The following LCORL variants were observed in gnomAD, a reference collection of about 807,000 sequenced individuals.
LCORL encodes the protein ligand-dependent nuclear receptor corepressor-like protein.
Under a neutral mutation model 141.8 loss-of-function variants are expected in LCORL, and 41 were observed. The observed-to-expected ratio is 0.29, with a 90% CI of 0.23 to 0.38. The LOEUF (loss-of-function observed/expected upper bound fraction) is 0.38. LCORL is among the 10% of genes least tolerant of loss of function. The pLI is 1.00. For missense variants in LCORL, 1,759 were observed against 2,035.0 expected, an observed-to-expected ratio of 0.86 and a Z score of 2.61; for synonymous variants, 618 against 694.1, an observed-to-expected ratio of 0.89 and a Z score of 1.72.
chr4:17,905,815 G>GA (rs900256222), intron 5 of LCORL, among the ~76,000 whole-genome samples: 2 of 151,882 alleles, frequency 1.3e-5, no homozygotes, highest in African/African-American at 4.8e-5. Context: ...AGAATAATAT[G>GA]AAAAATGTAA....
chr4:17,879,816 T>A (rs953565435), intron 6 of LCORL, among the ~76,000 whole-genome samples: 1 of 151,048 alleles, frequency 6.6e-6, no homozygotes, highest in Admixed American at 6.6e-5. Flanking sequence ...AAAGAGAGAA[T>A]TTACATGTTT....
At chr4:17,943,696 A>T (rs1738348908) in intron 4 of LCORL, among the ~76,000 whole-genome samples, 2 of 152,218 alleles carry the variant, frequency 1.3e-5, no homozygotes, top group Non-Finnish European at 2.9e-5. Context: ...TATTCTACAG[A>T]TTTGATGGTC....
At chr4:17,930,009 T>G (rs1381699502) in intron 4 of LCORL, among the ~76,000 whole-genome samples, 1 of 152,154 alleles carries the variant, frequency 6.6e-6, no homozygotes, top group Admixed American at 6.5e-5. Flanking sequence ...ACAAGATGCT[T>G]AGCATGATTA....
chr4:17,908,992 T>C, intron 5 of LCORL, 102 bp downstream of exon 5: 1 of 1,084,558 alleles, frequency 9.2e-7, no homozygotes, highest in Non-Finnish European at 1.3e-6. Context: ...AAAGTCATAT[T>C]ACATCCAAAA....
At position 17,882,938 on chromosome 4, in the gene LCORL, T is replaced by C. The variant is rs1363583064; in HGVS notation, c.776+3130A>G. 3.3e-6 allele frequency: 3 copies of C among 918,498 alleles called. No homozygotes were observed. The African/African-American group carries it at 5.4e-5, about 16-fold the overall frequency. The allele number at this position is 918,498 out of a possible 1,614,324, so 56.9% of individuals were successfully genotyped here. A position where few individuals can be genotyped will look rare whatever the true frequency, so the allele number is the denominator to read the frequency against. ...TCAAATGAAAAACAAAACTAAATTA[T>C]TTTAATAATTAAATTTAAATTATTT... On this transcript the variant is annotated intron_variant, in intron 6 of 7. Coordinates refer to ENST00000635767, the Ensembl canonical transcript of LCORL.
intron 7 of LCORL, 104 bp downstream of exon 7, chr4:17,873,284 T>C: frequency 1.3e-6 from 1 of 744,732 alleles, no homozygotes. Context: ...GTCCAAATAT[T>C]TTGGAAACTA....
At position 18,021,610 on chromosome 4, in the gene LCORL, T is replaced by A; in HGVS notation, c.142A>T (p.Met48Leu). The A allele has an allele frequency of 6.5e-7, 1 of 1,545,654 alleles. No individual in the cohort carries two copies. Among genetic ancestry groups the A allele is most frequent in the Non-Finnish European group, 8.7e-7 (1 of 1,144,980 alleles). ...GCGTCTCTCTTACCTACACAGTGCA[T>A]GAGGCGGTGGCGCCAAGAGTCGAGT... Residue 48 changes from methionine (M) to leucine (L), a missense_variant, in exon 1 of 8, where the codon ATG becomes TTG. Met to Leu is a conservative substitution (Grantham distance 15). Coordinates refer to ENST00000635767, the Ensembl canonical transcript of LCORL. The surrounding 1 kb of genome is among the most constrained non-coding windows in gnomAD (Gnocchi z 5.5).
At chr4:17,881,963 G>A in intron 6 of LCORL, 2 of 967,640 alleles carry the variant, frequency 2.1e-6, no homozygotes, top group Non-Finnish European at 2.4e-6. Flanking sequence ...AATCTATTAT[G>A]TATATTTTCT....
At chr4:17,879,532 C>G (rs1007432749) in intron 6 of LCORL, among the ~76,000 whole-genome samples, 4 of 150,972 alleles carry the variant, frequency 2.6e-5, no homozygotes, top group African/African-American at 9.7e-5. Flanking sequence ...TAGGACATGA[C>G]CCCAGTATCC....
At chr4:17,878,435 T>C (rs1280625196) in intron 6 of LCORL, among the ~76,000 whole-genome samples, 1 of 151,488 alleles carries the variant, frequency 6.6e-6, no homozygotes, top group Non-Finnish European at 1.5e-5. Context: ...AGCCCTATTT[T>C]TGCAATATAA....
At chr4:18,011,673 G>A (rs1165055812) in intron 1 of LCORL, among the ~76,000 whole-genome samples, 1 of 152,078 alleles carries the variant, frequency 6.6e-6, no homozygotes, top group Non-Finnish European at 1.5e-5. Context: ...ATGGTTTATA[G>A]GCCAAATCCA....
intron 5 of LCORL, among the ~76,000 whole-genome samples, chr4:17,904,065 A>G (rs1396115686): frequency 6.6e-6 from 1 of 152,054 alleles, no homozygotes; most frequent in African/African-American, 2.4e-5. Flanking sequence ...AAAAAATATA[A>G]AACAATGAGT....
intron 2 of LCORL, among the ~76,000 whole-genome samples, chr4:17,967,989 C>T (rs1314183182): frequency 6.6e-6 from 1 of 151,928 alleles, no homozygotes; most frequent in Admixed American, 6.6e-5. Context: ...TCCTGAGCAG[C>T]TGGGATTACA....
At chr4:18,020,159 T>C (rs1725266150) in intron 1 of LCORL, among the ~76,000 whole-genome samples, 1 of 152,238 alleles carries the variant, frequency 6.6e-6, no homozygotes, top group African/African-American at 2.4e-5. Context: ...CGTTCTGCGG[T>C]ACACATTTCT....
chr4:17,918,904 CT>C (rs1733878468), intron 4 of LCORL, among the ~76,000 whole-genome samples: 1 of 151,932 alleles, frequency 6.6e-6, no homozygotes, highest in South Asian at 2.1e-4. Flanking sequence ...TAGATGCATC[CT>C]AATCAAACCA....
chr4:17,998,985 AATATATATATATATATATACACACATAT>A lies in LCORL; in HGVS notation c.154+22585_154+22612del, dbSNP rs1255619247. ...GTCTCAAAAAAAAAAAAAAAAAAAA[AATATATATATATATATATACACACATAT>A]ATATATATATATATATAGTATAGTA... On this transcript the variant is annotated intron_variant, in intron 1 of 7. Transcript: ENST00000635767. Among the ~76,000 whole-genome samples, 162 of 57,872 alleles carry A rather than the reference AATATATATATATATATATACACACATAT, an allele frequency of 2.8e-3. 1 individual carries two copies. Among genetic ancestry groups the A allele is most frequent in the African/African-American group, 9.6e-3 (158 of 16,402 alleles). 38.0% of individuals were successfully genotyped at this position (57,872 alleles called of 152,430 possible).
At chr4:17,960,747 T>C (rs1713611344) in intron 4 of LCORL, among the ~76,000 whole-genome samples, 1 of 152,134 alleles carries the variant, frequency 6.6e-6, no homozygotes, top group South Asian at 2.1e-4. Context: ...CGTGCCACTG[T>C]ACCTGGCCAT....
chr4:18,020,696 A>C (rs962425323), intron 1 of LCORL: 5 of 152,560 alleles, frequency 3.3e-5, no homozygotes, highest in African/African-American at 1.2e-4. Context: ...TCCAACCAAA[A>C]AGAGGGAATT....
At chr4:17,867,059 A>C in intron 7 of LCORL, 1 of 815,200 alleles carries the variant, frequency 1.2e-6, no homozygotes, top group Non-Finnish European at 1.5e-6. Context: ...ACAAAACAGA[A>C]TACAACTGGT....
Sources: allele counts gnomAD v4.1 joint callset (sites outside exome capture counted in the v4.1 genomes callset), GRCh38; gene constraint gnomAD v4.1.1; non-coding constraint Gnocchi (gnomAD v3.1); transcripts MANE v1.5; gene names NCBI Gene and HGNC (gene_info 2026-07-23, HGNC 2026-07-21).